The following RBFOX1 variants were observed in gnomAD, a reference collection of about 807,000 sequenced individuals.
RBFOX1 encodes the protein RNA binding protein fox-1 homolog 1.
RBFOX1 carries 8 observed loss-of-function variants against 57.7 expected under a neutral mutation model. The observed-to-expected ratio is 0.14, with a 90% confidence interval of 0.08 to 0.25. The LOEUF (loss-of-function observed/expected upper bound fraction) is 0.25, where lower values mean the gene tolerates loss of function less well. Among genes scored for constraint, RBFOX1 ranks in the 10% least tolerant of loss-of-function variants. The pLI is 1.00. For synonymous variants in RBFOX1, 326 were observed against 222.4 expected (o/e 1.47, Z -4.15); for missense variants, 611 against 548.5 (o/e 1.11, Z -1.14).
chr16:7,583,027 C>T (rs1411955826), intron 6 of RBFOX1, among the ~76,000 whole-genome samples: 1 of 152,158 alleles, frequency 6.6e-6, no homozygotes, highest in Non-Finnish European at 1.5e-5. Flanking sequence ...TAATTTGTAT[C>T]TTCAGCACAT....
intron 1 of RBFOX1, among the ~76,000 whole-genome samples, chr16:5,417,278 C>T (rs996497318): frequency 6.6e-6 from 1 of 152,074 alleles, no homozygotes; most frequent in Non-Finnish European, 1.5e-5. Flanking sequence ...ATCAATGTGT[C>T]CGAACGTAAT....
At chr16:6,007,365 G>T (rs909276189) in intron 4 of RBFOX1, among the ~76,000 whole-genome samples, 19 of 152,190 alleles carry the variant, frequency 1.2e-4, no homozygotes, top group African/African-American at 4.6e-4. Flanking sequence ...AGGCACTGAG[G>T]GTGACCAGTA....
chr16:6,076,798 G>A (rs1246519198), intron 1 of RBFOX1, among the ~76,000 whole-genome samples: 2 of 152,086 alleles, frequency 1.3e-5, no homozygotes, highest in Non-Finnish European at 2.9e-5. Flanking sequence ...TCATCTAAAG[G>A]GTTCTTGGTA....
chr16:6,612,169 T>G (rs2098069250), intron 2 of RBFOX1, among the ~76,000 whole-genome samples: 1 of 152,170 alleles, frequency 6.6e-6, no homozygotes, highest in South Asian at 2.1e-4. Flanking sequence ...TTCTGTTTGT[T>G]TAATTATTTT....
At chr16:7,635,178 AAATT>A (rs1394002268) in intron 11 of RBFOX1, among the ~76,000 whole-genome samples, 2 of 152,236 alleles carry the variant, frequency 1.3e-5, no homozygotes, top group African/African-American at 4.8e-5. Flanking sequence ...CATCTCTTCC[AAATT>A]AATACATGAG....
At chr16:5,989,191 C>T (rs930620667) in intron 4 of RBFOX1, among the ~76,000 whole-genome samples, 2 of 150,632 alleles carry the variant, frequency 1.3e-5, no homozygotes, top group Non-Finnish European at 1.5e-5. Context: ...ATTAGCTGGG[C>T]GTGGTGGCAG....
intron 1 of RBFOX1, among the ~76,000 whole-genome samples, chr16:5,307,101 C>T (rs527386183): frequency 2.0e-4 from 31 of 152,156 alleles, no homozygotes; most frequent in Non-Finnish European, 3.2e-4. Flanking sequence ...AAGTAAACCA[C>T]CACCAACCTG....
chr16:6,759,060 C>T (rs529601565), intron 3 of RBFOX1, among the ~76,000 whole-genome samples: 13 of 151,752 alleles, frequency 8.6e-5, no homozygotes, highest in South Asian at 8.4e-4. Context: ...TTAAGGTTCC[C>T]GTTATGAAAC....
intron 1 of RBFOX1, among the ~76,000 whole-genome samples, chr16:6,066,748 C>T (rs953228550): frequency 4.2e-4 from 64 of 152,196 alleles, no homozygotes; most frequent in African/African-American, 1.4e-3. Flanking sequence ...TGCCCAGGTG[C>T]CGGGTACGAT....
intron 10 of RBFOX1, among the ~76,000 whole-genome samples, chr16:7,617,126 A>G (rs1261904437): frequency 6.6e-6 from 1 of 152,216 alleles, no homozygotes; most frequent in Non-Finnish European, 1.5e-5. Context: ...TTTAGTTATG[A>G]AAGAGAAAAG....
At chr16:6,793,273 C>T (rs929717282) in intron 3 of RBFOX1, among the ~76,000 whole-genome samples, 1 of 151,940 alleles carries the variant, frequency 6.6e-6, no homozygotes, top group African/African-American at 2.4e-5. Context: ...AATGTGGTCC[C>T]CCTGTTAGGC....
intron 2 of RBFOX1, among the ~76,000 whole-genome samples, chr16:6,616,900 AAC>A (rs765749932): frequency 1.9e-4 from 29 of 152,198 alleles, no homozygotes; most frequent in Non-Finnish European, 3.7e-4. Context: ...GTTTTATTGG[AAC>A]ACAGTCATGC....
At chr16:6,874,717 C>A (rs1003205588) in intron 3 of RBFOX1, among the ~76,000 whole-genome samples, 8 of 151,666 alleles carry the variant, frequency 5.3e-5, no homozygotes, top group Non-Finnish European at 8.8e-5. Flanking sequence ...TAAGTGGGAG[C>A]TAAGCTATAA....
At chr16:7,288,552 A>G (rs1267717282) in intron 4 of RBFOX1, among the ~76,000 whole-genome samples, 3 of 152,210 alleles carry the variant, frequency 2.0e-5, no homozygotes, top group Non-Finnish European at 4.4e-5. Context: ...TAACTGTGCT[A>G]TTACTGGCCG....
intron 1 of RBFOX1, among the ~76,000 whole-genome samples, chr16:5,375,410 G>A (rs72777526): frequency 0.2 from 30,601 of 152,078 alleles, 3,185 homozygotes; most frequent in Middle Eastern, 0.28. Context: ...AGGGCTTGTG[G>A]GAGGAAACAG....
intron 1 of RBFOX1, among the ~76,000 whole-genome samples, chr16:6,293,552 C>G (rs1486112096): frequency 6.6e-6 from 1 of 152,116 alleles, no homozygotes; most frequent in African/African-American, 2.4e-5. Flanking sequence ...AACTGATAAT[C>G]TAGGTTTGGA....
At chr16:5,927,117 A>G (rs2058955372) in intron 4 of RBFOX1, among the ~76,000 whole-genome samples, 1 of 152,208 alleles carries the variant, frequency 6.6e-6, no homozygotes, top group Non-Finnish European at 1.5e-5. Flanking sequence ...AATTGATTCC[A>G]TTTTGACTGA....
chr16:6,841,335 T>A (rs1166920574), intron 3 of RBFOX1, among the ~76,000 whole-genome samples: 6 of 152,206 alleles, frequency 3.9e-5, no homozygotes, highest in African/African-American at 1.4e-4. Flanking sequence ...ACAGCAAACA[T>A]GCATTGAAGA....
At chr16:7,040,860 G>A (rs775874416) in intron 3 of RBFOX1, among the ~76,000 whole-genome samples, 23 of 152,080 alleles carry the variant, frequency 1.5e-4, no homozygotes, top group Non-Finnish European at 1.8e-4. Flanking sequence ...GCCAAAGACA[G>A]CTCACTGCGT....
Sources: gnomAD v4.1 joint callset for allele counts (sites outside exome capture counted in the v4.1 genomes callset) on GRCh38, gnomAD v4.1.1 for gene constraint, MANE v1.5 for transcripts, NCBI Gene and HGNC (gene_info 2026-07-23, HGNC 2026-07-21) for gene names.